Variants in CSNK2A1 observed in about 807,000 individuals in gnomAD.
CSNK2A1 encodes casein kinase 2 alpha 1.
In CSNK2A1, 10 loss-of-function variants were observed where a neutral mutation model predicts 62.9. The ratio of observed to expected loss-of-function variants is 0.16; its 90% CI spans 0.10 to 0.27. The LOEUF (loss-of-function observed/expected upper bound fraction) is 0.27, where lower values mean the gene tolerates loss of function less well. CSNK2A1 is among the 10% of genes least tolerant of loss of function. The pLI is 1.00. For missense variants in CSNK2A1, 160 were observed against 492.0 expected, an observed-to-expected ratio of 0.33 and a Z score of 6.38; for synonymous variants, 124 against 167.8, an observed-to-expected ratio of 0.74 and a Z score of 2.02.
rs757801988 is a variant in CSNK2A1 at position 481,769 on chromosome 20, GA to G, written c.*2191del. Reference sequence around the variant, plus strand: ...TTACAACCCTCTCCCCACCTCAAAAGAAAGAACTCATTAGTTATAAGTGTCC... The same window carrying G: ...TTACAACCCTCTCCCCACCTCAAAAGAAGAACTCATTAGTTATAAGTGTCC... On this transcript the variant is annotated 3_prime_UTR_variant, in exon 14 of 14. Transcript: ENST00000217244. 4.6e-5 allele frequency: 7 copies of G among 152,080 alleles called. No individual in the cohort carries two copies. Among genetic ancestry groups the G allele is most frequent in the Non-Finnish European group, 1.0e-4 (7 of 68,008 alleles). 9.4% of individuals were successfully genotyped at this position (152,080 alleles called of 1,614,324 possible).
chr20:474,872 CTT>C lies in CSNK2A1; in HGVS notation c.*9087_*9088del, dbSNP rs938912308. 4 of 152,200 alleles carry C rather than the reference CTT, an allele frequency of 2.6e-5. No individual in the cohort carries two copies. The highest frequency in any genetic ancestry group is 6.5e-5 in the Admixed American group (1 of 15,278). The allele number at this position is 152,200 out of a possible 1,614,324, so 9.4% of individuals were successfully genotyped here. On this transcript the variant is annotated 3_prime_UTR_variant, in exon 14 of 14. Transcript: ENST00000217244. The stretch of plus-strand genomic sequence containing the variant: ...TATTTAGTTTTCCCTCCTTTCATAA[CTT>C]TTCCCATTCCTGCTGAGTTAATACT...
At chr20:528,713 T>G (rs889048481) in intron 1 of CSNK2A1, among the ~76,000 whole-genome samples, 9 of 152,128 alleles carry the variant, frequency 5.9e-5, no homozygotes, top group Non-Finnish European at 1.3e-4. Flanking sequence ...CCTCCTACCT[T>G]GGCCTCCCAA....
At chr20:487,181 A>T in intron 12 of CSNK2A1, 3 of 544,342 alleles carry the variant, frequency 5.5e-6, no homozygotes, top group Non-Finnish European at 9.7e-6. Context: ...TGAGGCACTG[A>T]GAAGTGTCAT....
rs200528441 is a variant in CSNK2A1 at position 497,746 on chromosome 20, C to T, written c.401G>A (p.Arg134Gln). The change falls in exon 7 of 14, where the codon CGA (arginine) becomes CAA (glutamine). Residue 134 changes from arginine (R) to glutamine (Q), a missense_variant. Coordinates refer to ENST00000217244, the MANE Select transcript of CSNK2A1 (RefSeq NM_177559.3). ...LYQTLTDYDI[R>Q]FYMYEILKAL... The stretch of plus-strand genomic sequence containing the variant: ...CTTCAGAATCTCATACATGTAAAAT[C>T]GAATATCATAGTCTGTTAACGTCTG... 102 of 1,611,918 alleles carry T rather than the reference C, an allele frequency of 6.3e-5. No homozygotes were observed. Among genetic ancestry groups the T allele is most frequent in the Admixed American group, 1.3e-4 (8 of 59,908 alleles).
chr20:506,114 G>C (rs1175300514), intron 3 of CSNK2A1: 1 of 152,026 alleles, frequency 6.6e-6, no homozygotes, highest in Non-Finnish European at 1.5e-5. Flanking sequence ...CTGACCTTGT[G>C]ATCCGCCCGC....
Position 512,196 on chromosome 20 carries a change from TTTC to T in CSNK2A1, c.-109-3539_-109-3537del, listed in dbSNP as rs559417476. ...TGCCTGGCCTATTTTTTGGTTTTCT[TTTC>T]TTCTTCTTCTTTTTTTTTTTTCAGT... On this transcript the variant is annotated intron_variant, in intron 2 of 13. Coordinates refer to ENST00000217244, the MANE Select transcript of CSNK2A1 (RefSeq NM_177559.3). Among the ~76,000 whole-genome samples, 406 of 151,852 alleles carry T rather than the reference TTTC, an allele frequency of 2.7e-3. 2 individuals carry two copies. The highest frequency in any genetic ancestry group is 8.5e-3 in the African/African-American group (352 of 41,372).
chr20:518,209 C>G (rs915857506), intron 2 of CSNK2A1, among the ~76,000 whole-genome samples: 4 of 152,164 alleles, frequency 2.6e-5, no homozygotes, highest in Non-Finnish European at 5.9e-5. Flanking sequence ...TATAAGCAAG[C>G]AAGGAAGCCT....
chr20:487,324 G>C lies in CSNK2A1; in HGVS notation c.973+103C>G. 6 of 1,522,414 alleles carry C rather than the reference G, an allele frequency of 3.9e-6. No individual in the cohort carries two copies. The South Asian group carries it at 7.3e-5, about 18-fold the overall frequency. The allele number at this position is 1,522,414 out of a possible 1,614,324, so 94.3% of individuals were successfully genotyped here. On this transcript the variant is annotated intron_variant, in intron 12 of 13. Coordinates refer to ENST00000217244, the MANE Select transcript of CSNK2A1 (RefSeq NM_177559.3). ...CTGGAAGAATCTGAGGCTCAGTGTG[G>C]GTGAATTAACTTTGCAGCAAGCTGA...
At chr20:520,753 G>A (rs1459867361) in intron 2 of CSNK2A1, among the ~76,000 whole-genome samples, 1 of 152,120 alleles carries the variant, frequency 6.6e-6, no homozygotes, top group Non-Finnish European at 1.5e-5. Flanking sequence ...ACCTGCCTTG[G>A]CCTCCCAAAG....
At chr20:533,948 T>G (rs758640173) in intron 1 of CSNK2A1, among the ~76,000 whole-genome samples, 5 of 152,194 alleles carry the variant, frequency 3.3e-5, no homozygotes, top group African/African-American at 4.8e-5. Context: ...CCACGCCATA[T>G]AAGCAAAATA....
rs775671080 is a variant in CSNK2A1 at position 486,422 on chromosome 20, G to A, written c.1014C>T (p.Ser338=). ...TGACGGGCGTACTGCCCCCTGGCAT[G>A]CTAGATGAACCCATTCGAGCCTGGT... ...VKDQARMGSS[S]MPGGSTPVSS... The change falls in exon 13 of 14, where the codon AGC becomes AGT. Residue 338 remains serine (S), a synonymous_variant. Coordinates refer to ENST00000217244, the MANE Select transcript of CSNK2A1 (RefSeq NM_177559.3). 10 of 1,613,514 alleles carry A rather than the reference G, an allele frequency of 6.2e-6. No individual in the cohort carries two copies. The highest frequency in any genetic ancestry group is 1.6e-4 in the Middle Eastern group (1 of 6,084).
At position 503,489 on chromosome 20, in the gene CSNK2A1, A is replaced by G. The variant is rs867470477; in HGVS notation, c.213+1629T>C. On this transcript the variant is annotated intron_variant, in intron 4 of 13. Coordinates refer to ENST00000217244, the MANE Select transcript of CSNK2A1 (RefSeq NM_177559.3). ...AAGCACCCCAGCAATGCACAGGAAT[A>G]CTGTGGAACACTTTACATTTTTGAG... is the stretch of plus-strand genomic sequence containing the variant. The G allele has an allele frequency of 1.5e-4, 58 of 398,528 alleles. 1 individual carries two copies. The Middle Eastern group carries it at 1.9e-3, about 13-fold the overall frequency. 24.7% of individuals were successfully genotyped at this position (398,528 alleles called of 1,614,324 possible).
At chr20:529,190 ATTTTT>A (rs34902417) in intron 1 of CSNK2A1, among the ~76,000 whole-genome samples, 1 of 137,124 alleles carries the variant, frequency 7.3e-6, no homozygotes, top group African/African-American at 2.7e-5. Flanking sequence ...ACTCCTGGCT[ATTTTT>A]TTTTTTTTTT....
chr20:542,519 G>C (rs983029765), intron 1 of CSNK2A1, among the ~76,000 whole-genome samples: 2 of 152,120 alleles, frequency 1.3e-5, no homozygotes, highest in Non-Finnish European at 2.9e-5. Context: ...TGCCACCTCC[G>C]CCTCCCAGGT....
In CSNK2A1 at chr20:508,202, A is replaced by T. The variant is rs530867895; in HGVS notation, c.101+249T>A. 4 of 418,344 alleles carry T rather than the reference A, an allele frequency of 9.6e-6. No homozygotes were observed. The South Asian group carries it at 1.3e-4, about 14-fold the overall frequency. 25.9% of individuals were successfully genotyped at this position (418,344 alleles called of 1,614,324 possible). ...TTATGTGGTGCACGACTGCATATAC[A>T]TCATAGAAAAGGATAAGAAACTAAA... On this transcript the variant is annotated intron_variant, in intron 3 of 13. Transcript: ENST00000217244.
chr20:517,960 CTTTAT>C (rs1297121943), intron 2 of CSNK2A1, among the ~76,000 whole-genome samples: 1 of 152,160 alleles, frequency 6.6e-6, no homozygotes, highest in Non-Finnish European at 1.5e-5. Flanking sequence ...AATTCTTTCT[CTTTAT>C]TTTCTTTTCT....
intron 9 of CSNK2A1, 89 bp from the exon 10 acceptor site, chr20:489,970 A>AT (rs1444000016): frequency 9.3e-7 from 1 of 1,069,700 alleles, no homozygotes; most frequent in African/African-American, 1.6e-5. Context: ...ATTAAAAAAA[A>AT]ATCACTCCAC....
At chr20:534,234 A>G (rs981245083) in intron 1 of CSNK2A1, among the ~76,000 whole-genome samples, 2 of 152,246 alleles carry the variant, frequency 1.3e-5, no homozygotes, top group Non-Finnish European at 2.9e-5. Flanking sequence ...CAAAGCCTAA[A>G]TAGGTTCTTT....
At chr20:517,533 T>C (rs560983196) in intron 2 of CSNK2A1, among the ~76,000 whole-genome samples, 35 of 152,142 alleles carry the variant, frequency 2.3e-4, no homozygotes, top group Non-Finnish European at 3.8e-4. Context: ...GAAGGGTATT[T>C]AAACTATCAC....
Sources: gnomAD v4.1 joint callset for allele counts (sites outside exome capture counted in the v4.1 genomes callset) on GRCh38, gnomAD v4.1.1 for gene constraint, MANE v1.5 for transcripts, NCBI Gene and HGNC (gene_info 2026-07-23, HGNC 2026-07-21) for gene names.